Variants in FOXN3 observed in about 807,000 individuals in gnomAD.
FOXN3 encodes forkhead box protein N3.
Under a neutral mutation model 38.4 loss-of-function variants are expected in FOXN3, and 7 were observed. That is an observed-to-expected ratio of 0.18 (90% CI 0.10 to 0.34). FOXN3 has a LOEUF of 0.34. FOXN3 is among the 10% of genes least tolerant of loss of function. The pLI, the probability that FOXN3 is intolerant of heterozygous loss-of-function variation, is 1.00. For missense variants in FOXN3, 456 were observed against 613.4 expected, an observed-to-expected ratio of 0.74 and a Z score of 2.71; for synonymous variants, 230 against 242.2, an observed-to-expected ratio of 0.95 and a Z score of 0.47.
intron 1 of FOXN3, among the ~76,000 whole-genome samples, chr14:89,589,633 C>A (rs1036243953): frequency 4.0e-5 from 6 of 148,664 alleles, no homozygotes; most frequent in African/African-American, 1.5e-4. Flanking sequence ...GCTGTGAAGG[C>A]AGCCCAGGAC....
intron 3 of FOXN3, among the ~76,000 whole-genome samples, chr14:89,288,068 A>T (rs7156233): frequency 0.079 from 5,123 of 65,216 alleles, 278 homozygotes; most frequent in African/African-American, 0.17. Flanking sequence ...CTCAAAAAAA[A>T]ATATATATAT....
chr14:89,420,596 T>C (rs1005421), upstream of FOXN3, among the ~76,000 whole-genome samples: 83,358 of 152,024 alleles, frequency 0.55, 23,591 homozygotes, highest in Admixed American at 0.63. Flanking sequence ...CCAAGAGAAA[T>C]CGATGGCACA....
chr14:89,365,395 A>C (rs1890110307), intron 2 of FOXN3, among the ~76,000 whole-genome samples: 1 of 152,240 alleles, frequency 6.6e-6, no homozygotes, highest in Non-Finnish European at 1.5e-5. Context: ...GAAAACATCC[A>C]AATTATATTG....
At chr14:89,410,483 CG>C in intron 2 of FOXN3, among the ~76,000 whole-genome samples, 1 of 152,314 alleles carries the variant, frequency 6.6e-6, no homozygotes, top group East Asian at 1.9e-4. Flanking sequence ...ATCTTAACCG[CG>C]GCTGCATTAC....
At chr14:89,505,558 G>C (rs1893901633) in intron 1 of FOXN3, among the ~76,000 whole-genome samples, 1 of 152,222 alleles carries the variant, frequency 6.6e-6, no homozygotes, top group South Asian at 2.1e-4. Context: ...ATGGCAGACG[G>C]AGTTGCGTTC....
At chr14:89,296,989 T>G (rs1280678540) in intron 3 of FOXN3, among the ~76,000 whole-genome samples, 2 of 152,132 alleles carry the variant, frequency 1.3e-5, no homozygotes, top group Non-Finnish European at 2.9e-5. Flanking sequence ...GCTTCAGAAT[T>G]TGGGCCTGCT....
At chr14:89,546,050 C>T (rs1288392507) in intron 1 of FOXN3, among the ~76,000 whole-genome samples, 2 of 152,178 alleles carry the variant, frequency 1.3e-5, no homozygotes, top group African/African-American at 2.4e-5. Flanking sequence ...AACACAATGG[C>T]ATGTAAACAT....
chr14:89,479,652 A>G (rs1893283545), intron 1 of FOXN3, among the ~76,000 whole-genome samples: 1 of 152,212 alleles, frequency 6.6e-6, no homozygotes. Context: ...GTAACAACCA[A>G]GTGGGATAGC....
At chr14:89,594,323 C>T (rs555507372) in intron 1 of FOXN3, among the ~76,000 whole-genome samples, 2 of 152,352 alleles carry the variant, frequency 1.3e-5, no homozygotes, top group East Asian at 3.9e-4. Flanking sequence ...TTTACACTCT[C>T]ACCACCAGTG....
intron 1 of FOXN3, among the ~76,000 whole-genome samples, chr14:89,551,456 C>T (rs1157110429): frequency 6.6e-6 from 1 of 152,190 alleles, no homozygotes; most frequent in Admixed American, 6.5e-5. Flanking sequence ...TTCCTCCCAA[C>T]ACCACTAGAT....
intron 1 of FOXN3, among the ~76,000 whole-genome samples, chr14:89,464,629 G>A (rs1039214992): frequency 1.3e-5 from 2 of 152,044 alleles, no homozygotes; most frequent in Admixed American, 1.3e-4. Context: ...CATGTGTCAC[G>A]GGAGGGACCA....
intron 1 of FOXN3, among the ~76,000 whole-genome samples, chr14:89,455,504 A>G (rs1892702451): frequency 6.6e-6 from 1 of 152,258 alleles, no homozygotes. Flanking sequence ...AGAACAGGTC[A>G]GTTCCACGCA....
chr14:89,314,244 A>C (rs1271741514), intron 3 of FOXN3, among the ~76,000 whole-genome samples: 1 of 152,242 alleles, frequency 6.6e-6, no homozygotes, highest in Non-Finnish European at 1.5e-5. Flanking sequence ...CTACATGAGT[A>C]TATATTGACT....
In FOXN3 at chr14:89,445,846, C is replaced by A. The variant is rs1353398197; in HGVS notation, c.-14-33356G>T. Reference sequence around the variant, plus strand: ...CTATAACCCCAGCACTTTGGGAGGCCCAGGTGGTGGAATCCCTTGAGCCCA... The same window carrying A: ...CTATAACCCCAGCACTTTGGGAGGCACAGGTGGTGGAATCCCTTGAGCCCA... On this transcript the variant is annotated intron_variant, in intron 1 of 6. Transcript: ENST00000345097. Among the ~76,000 whole-genome samples, 3 of 151,770 alleles carry A rather than the reference C, an allele frequency of 2.0e-5. No individual in the cohort carries two copies. The East Asian group carries it at 5.8e-4, about 29-fold the overall frequency.
intron 4 of FOXN3, among the ~76,000 whole-genome samples, chr14:89,203,730 A>T (rs1387681132): frequency 6.6e-6 from 1 of 152,156 alleles, no homozygotes; most frequent in Non-Finnish European, 1.5e-5. Context: ...CAAATGTCAC[A>T]CATTTCTTCC....
Position 89,609,470 on chromosome 14 carries a change from T to C in FOXN3, c.-15+9558A>G, listed in dbSNP as rs554837260. On this transcript the variant is annotated intron_variant, in intron 1 of 6. Transcript: ENST00000345097. ...CACAACAACATTGACAACATAACAA[T>C]AAAAATAGCTACAATAATTTGAGTT... Among the ~76,000 whole-genome samples, 20 of 152,194 alleles carry C rather than the reference T, an allele frequency of 1.3e-4. 1 individual carries two copies. The South Asian group carries it at 4.2e-3, about 32-fold the overall frequency.
At chr14:89,559,039 T>G (rs536833129) in intron 1 of FOXN3, among the ~76,000 whole-genome samples, 2 of 149,410 alleles carry the variant, frequency 1.3e-5, no homozygotes, top group Admixed American at 6.7e-5. Context: ...AATGTTTTTG[T>G]TTTTTTTTTA....
intron 1 of FOXN3, among the ~76,000 whole-genome samples, chr14:89,435,191 TGGGCAACA>T (rs1892251877): frequency 6.6e-6 from 1 of 152,056 alleles, no homozygotes; most frequent in African/African-American, 2.4e-5. Context: ...GAAGCCAGCC[TGGGCAACA>T]CTGCAAGACC....
At chr14:89,565,758 G>T (rs1176816397) in intron 1 of FOXN3, among the ~76,000 whole-genome samples, 4 of 152,198 alleles carry the variant, frequency 2.6e-5, no homozygotes, top group Admixed American at 2.0e-4. Flanking sequence ...AATTAGTGGT[G>T]GTGGTTGCAT....
Sources: allele counts gnomAD v4.1 joint callset (sites outside exome capture counted in the v4.1 genomes callset), GRCh38; gene constraint gnomAD v4.1.1; transcripts MANE v1.5; gene names NCBI Gene and HGNC (gene_info 2026-07-23, HGNC 2026-07-21).